IMPA1: variants seen among roughly 807,000 people sequenced by gnomAD.
IMPA1 encodes D-galactose 1-phosphate phosphatase.
IMPA1 carries 21 observed loss-of-function variants against 34.9 expected under a neutral mutation model. That is an observed-to-expected ratio of 0.60 (90% CI 0.43 to 0.87). IMPA1 has a LOEUF of 0.87. IMPA1 is among the 40% of genes least tolerant of loss of function. The pLI is 0.00. For missense variants in IMPA1, 299 were observed against 336.4 expected, an observed-to-expected ratio of 0.89 and a Z score of 0.87; for synonymous variants, 95 against 104.4, an observed-to-expected ratio of 0.91 and a Z score of 0.55.
At chr8:81,663,126 C>A (rs1231261195) in intron 7 of IMPA1, among the ~76,000 whole-genome samples, 1 of 152,156 alleles carries the variant, frequency 6.6e-6, no homozygotes, top group East Asian at 1.9e-4. Flanking sequence ...TGAAAAAAAT[C>A]TGAAGTAAAA....
At chr8:81,671,520 A>AC (rs1308529651) in intron 6 of IMPA1, among the ~76,000 whole-genome samples, 2 of 151,624 alleles carry the variant, frequency 1.3e-5, no homozygotes, top group Non-Finnish European at 2.9e-5. Flanking sequence ...CCTAGATCTC[A>AC]CCTCCTCCCA....
chr8:81,679,946 C>A (rs1807243927), intron 3 of IMPA1, among the ~76,000 whole-genome samples: 1 of 151,806 alleles, frequency 6.6e-6, no homozygotes. Flanking sequence ...ACCAGCCTGA[C>A]CAACATGGTG....
chr8:81,662,900 G>A (rs961228212), intron 7 of IMPA1, among the ~76,000 whole-genome samples: 9 of 152,182 alleles, frequency 5.9e-5, no homozygotes, highest in Middle Eastern at 6.8e-3. Flanking sequence ...CCAGAATAAC[G>A]TACTTTGCCT....
intron 4 of IMPA1, among the ~76,000 whole-genome samples, chr8:81,677,424 G>A (rs373592517): frequency 6.6e-6 from 1 of 152,082 alleles, no homozygotes; most frequent in African/African-American, 2.4e-5. Flanking sequence ...GTCCTACACC[G>A]TGATAAACAC....
chr8:81,678,949 A>C (rs940100752), intron 4 of IMPA1, among the ~76,000 whole-genome samples, 177 bp downstream of exon 4: 3 of 152,352 alleles, frequency 2.0e-5, no homozygotes, highest in South Asian at 4.1e-4. Flanking sequence ...TCCATATCTG[A>C]TAAGTCTGCA....
At chr8:81,665,408 G>C (rs1806793917) in intron 7 of IMPA1, among the ~76,000 whole-genome samples, 1 of 151,936 alleles carries the variant, frequency 6.6e-6, no homozygotes, top group Admixed American at 6.6e-5. Context: ...GCCAATAAAA[G>C]AACAGATGAT....
chr8:81,663,052 C>T (rs936940448), intron 7 of IMPA1, among the ~76,000 whole-genome samples: 4 of 151,966 alleles, frequency 2.6e-5, no homozygotes, highest in African/African-American at 9.7e-5. Flanking sequence ...CAGCTGAATG[C>T]AAAAGATCAT....
At chr8:81,683,128 G>C (rs908335327) in intron 1 of IMPA1, among the ~76,000 whole-genome samples, 49 of 152,198 alleles carry the variant, frequency 3.2e-4, no homozygotes, top group Non-Finnish European at 2.2e-4. Flanking sequence ...TCAATCAACT[G>C]CAGGATGCCT....
chr8:81,681,927 T>C (rs556660112), intron 1 of IMPA1, among the ~76,000 whole-genome samples: 1 of 152,030 alleles, frequency 6.6e-6, no homozygotes, highest in Admixed American at 6.6e-5. Context: ...GAGAATACAG[T>C]GAAAACGAGA....
chr8:81,682,621 T>C (rs763805907), intron 1 of IMPA1, among the ~76,000 whole-genome samples: 25 of 152,206 alleles, frequency 1.6e-4, no homozygotes, highest in Non-Finnish European at 2.5e-4. Flanking sequence ...TCTTCAAGAA[T>C]TGTTTCCAAA....
chr8:81,672,699 A>G (rs1048016904), intron 6 of IMPA1, among the ~76,000 whole-genome samples: 1 of 152,194 alleles, frequency 6.6e-6, no homozygotes, highest in South Asian at 2.1e-4. Flanking sequence ...TCTCTACATT[A>G]ATTTTGCCTG....
rs577911970 is a variant in IMPA1 at position 81,665,474 on chromosome 8, A to G, written c.567-4807T>C. On this transcript the variant is annotated intron_variant, in intron 7 of 8. Transcript: ENST00000256108. ...AGCAATAAAAGAAAGAAGTAAAAAG[A>G]GACAGAGAGAAAATGGCTGAAATGA... Among the ~76,000 whole-genome samples the G allele has an allele frequency of 2.1e-3, 317 of 152,274 alleles. 1 individual carries two copies. The highest frequency in any genetic ancestry group is 7.4e-3 in the African/African-American group (306 of 41,572).
chr8:81,662,278 ATAT>A (rs1806702456), intron 7 of IMPA1, among the ~76,000 whole-genome samples: 3 of 152,352 alleles, frequency 2.0e-5, no homozygotes, highest in Middle Eastern at 3.4e-3. Flanking sequence ...TTGATATCTC[ATAT>A]CATAGAATGC....
intron 1 of IMPA1, chr8:81,686,047 G>T: frequency 3.4e-6 from 4 of 1,167,896 alleles, no homozygotes; most frequent in Non-Finnish European, 3.4e-6. Flanking sequence ...TGAGCGAACC[G>T]CTACTCCAAT....
intron 1 of IMPA1, chr8:81,685,674 TTA>T (rs1807495198): frequency 2.1e-6 from 1 of 484,762 alleles, no homozygotes; most frequent in Non-Finnish European, 2.9e-6. Flanking sequence ...ATATATATTT[TTA>T]TATATAGTTA....
chr8:81,684,318 A>C (rs543852549), intron 1 of IMPA1, among the ~76,000 whole-genome samples: 1 of 145,914 alleles, frequency 6.9e-6, no homozygotes, highest in African/African-American at 2.5e-5. Flanking sequence ...TATACCATAC[A>C]TAAGTATATT....
At position 81,671,539 on chromosome 8, in the gene IMPA1, G is replaced by A. The variant is rs114293355; in HGVS notation, c.458-492C>T. On this transcript the variant is annotated intron_variant, in intron 6 of 8. Coordinates refer to ENST00000256108, the MANE Select transcript of IMPA1 (RefSeq NM_005536.4). ...GATCTCACCTCCTCCCACCAATGGA[G>A]ATGTATGTTCACCAGCTGTGTTTGA... 3.1e-3 allele frequency among the ~76,000 whole-genome samples: 474 copies of A among 152,306 alleles called. 4 individuals carry two copies. The highest frequency in any genetic ancestry group is 0.01 in the African/African-American group (424 of 41,582).
rs1310285615 is a variant in IMPA1, at chr8:81,686,318, G to C, written c.-91C>G. The C allele has an allele frequency of 1.6e-5, 16 of 987,274 alleles. No individual in the cohort carries two copies. Among genetic ancestry groups the C allele is most frequent in the African/African-American group, 5.2e-5 (3 of 57,328 alleles). The allele number at this position is 987,274 out of a possible 1,614,324, so 61.2% of individuals were successfully genotyped here. A position where few individuals can be genotyped will look rare whatever the true frequency, so the allele number is the denominator to read the frequency against. On this transcript the variant is annotated 5_prime_UTR_variant, in exon 1 of 9. Transcript: ENST00000256108. ...ACCGCACTCGTCTCTTCCGGAGGTA[G>C]AGGGGCTACTCGCAACAGGAAGTTC...
intron 8 of IMPA1, 111 bp downstream of exon 8, chr8:81,660,405 T>C (rs1806634573): frequency 1.2e-6 from 1 of 832,478 alleles, no homozygotes; most frequent in Non-Finnish European, 1.9e-6. Flanking sequence ...TATAGCTTGT[T>C]TCTGCTTCAA....
Sources: gnomAD v4.1 joint callset for allele counts (sites outside exome capture counted in the v4.1 genomes callset) on GRCh38, gnomAD v4.1.1 for gene constraint, MANE v1.5 for transcripts, NCBI Gene and HGNC (gene_info 2026-07-23, HGNC 2026-07-21) for gene names.